The following C1orf21 variants were observed in gnomAD, a reference collection of about 807,000 sequenced individuals.
The protein encoded by C1orf21 is chromosome 1 open reading frame 21.
In C1orf21, 3 loss-of-function variants were observed where a neutral mutation model predicts 18.7. The ratio of observed to expected loss-of-function variants is 0.16; its 90% CI spans 0.07 to 0.42. The LOEUF (loss-of-function observed/expected upper bound fraction) is 0.42, where lower values mean the gene tolerates loss of function less well. Among genes scored for constraint, C1orf21 ranks in the 10% least tolerant of loss-of-function variants. The pLI is 0.99. For missense variants in C1orf21, 104 were observed against 143.6 expected, an observed-to-expected ratio of 0.72 and a Z score of 1.41; for synonymous variants, 41 against 46.4, an observed-to-expected ratio of 0.88 and a Z score of 0.47.
chr1:184,567,257 CAGA>C (rs1659047562), intron 3 of C1orf21: 1 of 462,608 alleles, frequency 2.2e-6, no homozygotes, highest in African/African-American at 2.0e-5. Context: ...GCTCCATGTT[CAGA>C]AGGAGACTGT....
intron 1 of C1orf21, among the ~76,000 whole-genome samples, chr1:184,447,374 A>T (rs1248652019): frequency 6.6e-6 from 1 of 152,226 alleles, no homozygotes; most frequent in Non-Finnish European, 1.5e-5. Context: ...TGTTACAGAC[A>T]GCCTTAGTGC....
intron 3 of C1orf21, among the ~76,000 whole-genome samples, chr1:184,522,729 C>T (rs1348158158): frequency 6.6e-6 from 1 of 152,050 alleles, no homozygotes; most frequent in African/African-American, 2.4e-5. Flanking sequence ...TCCGATTTGC[C>T]CAGGCTGGAG....
chr1:184,482,612 T>C (rs1657675064), intron 2 of C1orf21, among the ~76,000 whole-genome samples: 1 of 152,234 alleles, frequency 6.6e-6, no homozygotes, highest in Non-Finnish European at 1.5e-5. Context: ...TTATTTATGC[T>C]TTAAAAGCTA....
At chr1:184,590,127 T>G (rs868297030) in intron 3 of C1orf21, among the ~76,000 whole-genome samples, 2 of 152,188 alleles carry the variant, frequency 1.3e-5, no homozygotes, top group Non-Finnish European at 2.9e-5. Context: ...TACTAGCATT[T>G]TAAGATTTGA....
At chr1:184,501,112 G>A (rs1237010073) in intron 2 of C1orf21, among the ~76,000 whole-genome samples, 1 of 152,206 alleles carries the variant, frequency 6.6e-6, no homozygotes, top group Non-Finnish European at 1.5e-5. Context: ...AGATGCTTGA[G>A]GACAGGCCAG....
At chr1:184,561,622 G>GTTTT (rs1255376752) in intron 3 of C1orf21, among the ~76,000 whole-genome samples, 1 of 152,018 alleles carries the variant, frequency 6.6e-6, no homozygotes, top group South Asian at 2.1e-4. Context: ...TTGTTTGTTT[G>GTTTT]TTTGTTTGTT....
chr1:184,411,954 ATC>A (rs1338220381), intron 1 of C1orf21: 1 of 152,230 alleles, frequency 6.6e-6, no homozygotes, highest in Non-Finnish European at 1.5e-5. Flanking sequence ...GCCTAATAAA[ATC>A]TTGAAGAGAA....
chr1:184,597,781 A>G (rs946026613), intron 4 of C1orf21, among the ~76,000 whole-genome samples: 1 of 152,208 alleles, frequency 6.6e-6, no homozygotes, highest in East Asian at 1.9e-4. Context: ...GGCTGTTAAA[A>G]GTCACAGGAC....
chr1:184,577,950 TTTG>T (rs1478007969), intron 3 of C1orf21, among the ~76,000 whole-genome samples: 8 of 122,070 alleles, frequency 6.6e-5, no homozygotes, highest in East Asian at 2.4e-4. Context: ...TTGTTTTGTT[TTTG>T]TTTTTTTTTT....
At chr1:184,618,457 C>T (rs1659865250) in intron 5 of C1orf21, among the ~76,000 whole-genome samples, 4 of 151,968 alleles carry the variant, frequency 2.6e-5, no homozygotes, top group Admixed American at 2.6e-4. Flanking sequence ...AGCCACGTGG[C>T]ACAAAATAAT....
chr1:184,598,127 G>A (rs1212553707), intron 4 of C1orf21, among the ~76,000 whole-genome samples: 1 of 151,424 alleles, frequency 6.6e-6, no homozygotes, highest in Non-Finnish European at 1.5e-5. Context: ...AAACAATTTG[G>A]CATTCAGCTC....
At chr1:184,471,486 C>G (rs10489726) in intron 1 of C1orf21, among the ~76,000 whole-genome samples, 1 of 151,896 alleles carries the variant, frequency 6.6e-6, no homozygotes, top group Non-Finnish European at 1.5e-5. Flanking sequence ...CTTTATATCA[C>G]TACTTGGACA....
At chr1:184,416,395 ATTAATTTAAT>A (rs142576867) in intron 1 of C1orf21, among the ~76,000 whole-genome samples, 360 of 152,248 alleles carry the variant, frequency 2.4e-3, no homozygotes, top group African/African-American at 8.2e-3. Context: ...GACAGAAATC[ATTAATTTAAT>A]TTAATTTAAT....
intron 3 of C1orf21, among the ~76,000 whole-genome samples, chr1:184,581,172 A>G (rs1340799875): frequency 6.6e-6 from 1 of 152,198 alleles, no homozygotes; most frequent in Non-Finnish European, 1.5e-5. Flanking sequence ...CACGCCTGTA[A>G]TCCCAGCACT....
At chr1:184,604,780 C>T (rs2102005161) in intron 5 of C1orf21, among the ~76,000 whole-genome samples, 1 of 152,278 alleles carries the variant, frequency 6.6e-6, no homozygotes, top group South Asian at 2.1e-4. Context: ...ATCCAGCTAA[C>T]AGTAGTAGAT....
chr1:184,424,747 G>A (rs1243442411), intron 1 of C1orf21, among the ~76,000 whole-genome samples: 1 of 152,130 alleles, frequency 6.6e-6, no homozygotes, highest in Non-Finnish European at 1.5e-5. Flanking sequence ...TCCAGTTCAC[G>A]GGCACACAGC....
chr1:184,581,054 A>C (rs1022162589), intron 3 of C1orf21, among the ~76,000 whole-genome samples: 3 of 152,304 alleles, frequency 2.0e-5, no homozygotes, highest in Admixed American at 2.0e-4. Context: ...GGCCTCCATT[A>C]ACCCAAGTCG....
chr1:184,425,254 A>G (rs75552380), intron 1 of C1orf21, among the ~76,000 whole-genome samples: 10,848 of 151,036 alleles, frequency 0.072, 541 homozygotes, highest in African/African-American at 0.14. Context: ...CAAATTGATG[A>G]TAATCCTGAT....
At chr1:184,417,535 G>A (rs1362296207) in intron 1 of C1orf21, among the ~76,000 whole-genome samples, 1 of 152,146 alleles carries the variant, frequency 6.6e-6, no homozygotes, top group African/African-American at 2.4e-5. Context: ...AGTTTAAGCA[G>A]GGATTTAAAA....
Sources: allele counts gnomAD v4.1 joint callset (sites outside exome capture counted in the v4.1 genomes callset), GRCh38; gene constraint gnomAD v4.1.1; transcripts MANE v1.5; gene names NCBI Gene and HGNC (gene_info 2026-07-23, HGNC 2026-07-21).